Variants in RNGTT observed in about 807,000 individuals in gnomAD.
RNGTT encodes the protein mRNA-capping enzyme.
RNGTT carries 33 observed loss-of-function variants against 79.3 expected under a neutral mutation model. That is an observed-to-expected ratio of 0.42 (90% CI 0.32 to 0.56). The LOEUF (loss-of-function observed/expected upper bound fraction) is 0.56, where lower values mean the gene tolerates loss of function less well. Ranked by LOEUF, RNGTT falls within the 20% of genes least tolerant of loss-of-function variation. RNGTT has a pLI of 0.17. For missense variants in RNGTT, 497 were observed against 739.1 expected (o/e 0.67, Z 3.80); for synonymous variants, 222 against 235.9 (o/e 0.94, Z 0.54).
intron 8 of RNGTT, among the ~76,000 whole-genome samples, chr6:88,854,897 A>T (rs910355116): frequency 1.3e-5 from 2 of 152,210 alleles, no homozygotes; most frequent in Admixed American, 1.3e-4. Context: ...AAGCTATGCT[A>T]CCAAATGGAT....
chr6:88,748,407 C>T (rs1176653493), intron 13 of RNGTT, among the ~76,000 whole-genome samples: 1 of 152,042 alleles, frequency 6.6e-6, no homozygotes, highest in Non-Finnish European at 1.5e-5. Flanking sequence ...GTGCTTCTCC[C>T]TCATATCTAC....
chr6:88,923,766 T>C (rs1223981971), intron 4 of RNGTT, among the ~76,000 whole-genome samples: 1 of 152,150 alleles, frequency 6.6e-6, no homozygotes, highest in Non-Finnish European at 1.5e-5. Flanking sequence ...AACAAACATA[T>C]CGTAGCTAAA....
rs1360380284 is a variant in RNGTT at position 88,868,299 on chromosome 6, T to G, written c.897-14535A>C. On this transcript the variant is annotated intron_variant, in intron 8 of 15. Coordinates refer to ENST00000369485, the MANE Select transcript of RNGTT (RefSeq NM_003800.5). ...TAAGAACAATTCAAGGAGTGGGAGT[T>G]GACATCATAGTCAAAGTTTAAATCA... Among the ~76,000 whole-genome samples the G allele has an allele frequency of 2.6e-5, 4 of 152,192 alleles. No individual in the cohort carries two copies. The East Asian group carries it at 7.7e-4, about 29-fold the overall frequency.
At chr6:88,827,445 A>G (rs766869181) in intron 11 of RNGTT, among the ~76,000 whole-genome samples, 1 of 152,156 alleles carries the variant, frequency 6.6e-6, no homozygotes, top group Non-Finnish European at 1.5e-5. Flanking sequence ...CCTGGGTTTC[A>G]AGCACAAAAC....
At position 88,853,773 on chromosome 6, in the gene RNGTT, G is replaced by A. The variant is rs1019088560; in HGVS notation, c.897-9C>T. Reference sequence around the variant, plus strand: ...CAATCAACATCATGTACCTGTAAATGAAACATTAAAAAGCTAATATTTACA... The same window carrying A: ...CAATCAACATCATGTACCTGTAAATAAAACATTAAAAAGCTAATATTTACA... On this transcript the variant is annotated splice_polypyrimidine_tract_variant and intron_variant, in intron 8 of 15. Coordinates refer to ENST00000369485, the MANE Select transcript of RNGTT (RefSeq NM_003800.5). 1 of 1,507,154 alleles carries A rather than the reference G, an allele frequency of 6.6e-7. No individual in the cohort carries two copies. Among genetic ancestry groups the A allele is most frequent in the Non-Finnish European group, 9.0e-7 (1 of 1,105,894 alleles). The allele number at this position is 1,507,154 out of a possible 1,614,324, so 93.4% of individuals were successfully genotyped here.
At chr6:88,834,739 AACT>A (rs1486477353) in intron 11 of RNGTT, among the ~76,000 whole-genome samples, 1 of 152,200 alleles carries the variant, frequency 6.6e-6, no homozygotes, top group African/African-American at 2.4e-5. Context: ...TGGTTTTATG[AACT>A]ACTAGTCTTG....
chr6:88,632,133 G>A (rs1204563000), intron 14 of RNGTT, among the ~76,000 whole-genome samples: 1 of 152,018 alleles, frequency 6.6e-6, no homozygotes, highest in Non-Finnish European at 1.5e-5. Flanking sequence ...GCTAATTTTT[G>A]TATTTTTTGT....
intron 8 of RNGTT, among the ~76,000 whole-genome samples, chr6:88,854,711 CTT>C (rs1367621183): frequency 1.3e-5 from 2 of 152,062 alleles, no homozygotes; most frequent in African/African-American, 4.8e-5. Flanking sequence ...TCAATTATCT[CTT>C]ATCTTCTTAA....
At chr6:88,740,727 C>T (rs1005986208) in intron 13 of RNGTT, among the ~76,000 whole-genome samples, 3 of 151,818 alleles carry the variant, frequency 2.0e-5, no homozygotes, top group Non-Finnish European at 4.4e-5. Context: ...CACATGGACA[C>T]AAGGAGGGGA....
intron 13 of RNGTT, among the ~76,000 whole-genome samples, chr6:88,751,175 C>A (rs1777826751): frequency 6.6e-6 from 1 of 152,090 alleles, no homozygotes. Flanking sequence ...AAAATAGATT[C>A]TGAAAAAGAT....
chr6:88,795,198 C>T (rs1779556754), intron 12 of RNGTT, among the ~76,000 whole-genome samples: 1 of 152,092 alleles, frequency 6.6e-6, no homozygotes, highest in Admixed American at 6.6e-5. Context: ...ACGAAAGAAA[C>T]CTAGCAACTA....
intron 14 of RNGTT, among the ~76,000 whole-genome samples, chr6:88,625,621 C>T (rs999515776): frequency 1.3e-5 from 2 of 151,430 alleles, no homozygotes; most frequent in African/African-American, 4.8e-5. Flanking sequence ...TTTTTAATGG[C>T]GGTGGTGGGG....
At chr6:88,768,690 T>C (rs1001551170) in intron 13 of RNGTT, among the ~76,000 whole-genome samples, 1 of 152,226 alleles carries the variant, frequency 6.6e-6, no homozygotes, top group Admixed American at 6.5e-5. Flanking sequence ...TTACTTTCTC[T>C]TTCTGATTTC....
At chr6:88,619,818 G>A (rs1203587144) in intron 14 of RNGTT, among the ~76,000 whole-genome samples, 1 of 152,018 alleles carries the variant, frequency 6.6e-6, no homozygotes, top group Non-Finnish European at 1.5e-5. Context: ...AATAACTTTG[G>A]TTTTTAGTTC....
chr6:88,803,576 CAAAA>C lies in RNGTT; in HGVS notation c.1270-1948_1270-1945del, dbSNP rs146140117. Among the ~76,000 whole-genome samples, 19 of 56,122 alleles carry C rather than the reference CAAAA, an allele frequency of 3.4e-4. No individual in the cohort carries two copies. The South Asian group carries it at 5.3e-3, about 16-fold the overall frequency. The allele number at this position is 56,122 out of a possible 152,430, so 36.8% of individuals were successfully genotyped here. On this transcript the variant is annotated intron_variant, in intron 11 of 15. Transcript: ENST00000369485. ...TGGGCAACAGAGTGAGACTCCATCTCAAAAAAAAAAAAAAAAAAAAACTAAATTC... is the reference window on the plus strand; with the variant it reads ...TGGGCAACAGAGTGAGACTCCATCTCAAAAAAAAAAAAAAAAACTAAATTC...
At position 88,714,019 on chromosome 6, in the gene RNGTT, C is replaced by T. The variant is rs144192703; in HGVS notation, c.1440-35600G>A. Among the ~76,000 whole-genome samples the T allele has an allele frequency of 4.5e-4, 68 of 152,302 alleles. No homozygotes were observed. In the East Asian group the frequency reaches 0.012, roughly 26 times the overall value. On this transcript the variant is annotated intron_variant, in intron 13 of 15. Transcript: ENST00000369485. ...GTTCCAATCTTGGTCTGTTGTTCCACTTCCAATCTCAATGCACTGAATGCT... is the reference window on the plus strand; with the variant it reads ...GTTCCAATCTTGGTCTGTTGTTCCATTTCCAATCTCAATGCACTGAATGCT...
intron 14 of RNGTT, among the ~76,000 whole-genome samples, chr6:88,669,616 CT>C (rs561236928): frequency 2.0e-5 from 3 of 152,212 alleles, no homozygotes; most frequent in Non-Finnish European, 4.4e-5. Flanking sequence ...AAGTTGCAAA[CT>C]GTTTGGGCCC....
Position 88,679,803 on chromosome 6 carries a change from T to C in RNGTT, c.1440-1384A>G, listed in dbSNP as rs566161651. On this transcript the variant is annotated intron_variant, in intron 13 of 15. Transcript: ENST00000369485. ...TAACTGACCTAAATGTAGATATATC[T>C]CATCTTTCTTTTATCACAAATCTTT... 2.6e-5 allele frequency among the ~76,000 whole-genome samples: 4 copies of C among 152,282 alleles called. No homozygotes were observed. The East Asian group carries it at 7.7e-4, about 29-fold the overall frequency.
intron 14 of RNGTT, among the ~76,000 whole-genome samples, chr6:88,669,993 G>T (rs947562554): frequency 7.2e-5 from 11 of 152,194 alleles, no homozygotes; most frequent in Non-Finnish European, 1.2e-4. Context: ...AATCACTAAT[G>T]AAACTGGCAG....
Sources: allele counts gnomAD v4.1 joint callset (sites outside exome capture counted in the v4.1 genomes callset), GRCh38; gene constraint gnomAD v4.1.1; transcripts MANE v1.5; gene names NCBI Gene and HGNC (gene_info 2026-07-23, HGNC 2026-07-21).